NFRKB: variants seen among roughly 807,000 people sequenced by gnomAD.
NFRKB encodes nuclear factor related to kappaB binding protein.
Under a neutral mutation model 135.7 loss-of-function variants are expected in NFRKB, and 62 were observed. That is an observed-to-expected ratio of 0.46 (90% CI 0.37 to 0.56). The LOEUF (loss-of-function observed/expected upper bound fraction) is 0.56, where lower values mean the gene tolerates loss of function less well. Ranked by LOEUF, NFRKB falls within the 20% of genes least tolerant of loss-of-function variation. NFRKB has a pLI of 0.00. For synonymous variants in NFRKB, 678 were observed against 635.6 expected (o/e 1.07, Z -1.00); for missense variants, 1,545 against 1,662.0 (o/e 0.93, Z 1.22).
chr11:129,888,138 AGTGT>A (rs1949368337), intron 4 of NFRKB, among the ~76,000 whole-genome samples: 1 of 152,208 alleles, frequency 6.6e-6, no homozygotes, highest in Non-Finnish European at 1.5e-5. Context: ...GATATGGGAA[AGTGT>A]CTGTTAAGAG....
chr11:129,881,432 G>A lies in NFRKB; in HGVS notation c.1384+11C>T, dbSNP rs76029397. 1,487 of 1,613,562 alleles carry A rather than the reference G, an allele frequency of 9.2e-4. 12 individuals carry two copies. In the African/African-American group the frequency reaches 0.017, roughly 19 times the overall value. ...GAAAACCTGTTGGGGTAGGTAATACGGATCACTTACCAAGCAACTTCCACT... is the reference window on the plus strand; with the variant it reads ...GAAAACCTGTTGGGGTAGGTAATACAGATCACTTACCAAGCAACTTCCACT... On this transcript the variant is annotated intron_variant, in intron 13 of 26. Transcript: ENST00000682444.
chr11:129,880,395 T>C (rs992480876), intron 13 of NFRKB, among the ~76,000 whole-genome samples: 1 of 152,030 alleles, frequency 6.6e-6, no homozygotes, highest in Non-Finnish European at 1.5e-5. Context: ...CTCAAACGTA[T>C]CCATCCTCTC....
chr11:129,879,699 C>A (rs943774686), intron 13 of NFRKB, among the ~76,000 whole-genome samples: 1 of 152,194 alleles, frequency 6.6e-6, no homozygotes, highest in Non-Finnish European at 1.5e-5. Context: ...TGTCACTCAG[C>A]CCCTCTGCCG....
chr11:129,876,636 A>C, intron 17 of NFRKB, 85 bp downstream of exon 17: 1 of 1,247,868 alleles, frequency 8.0e-7, no homozygotes, highest in Non-Finnish European at 1.1e-6. Flanking sequence ...GTGGAGGGGT[A>C]AGGAGAGGAC....
At chr11:129,881,949 G>A (rs1160498384) in intron 11 of NFRKB, 96 bp from the exon 12 acceptor site, 6 of 1,511,346 alleles carry the variant, frequency 4.0e-6, no homozygotes, top group African/African-American at 2.8e-5. Context: ...TGCATCCGGT[G>A]TTTGTCCGAA....
At chr11:129,885,304 T>C (rs1000408087) in intron 6 of NFRKB, 131 bp downstream of exon 6, 6 of 1,018,012 alleles carry the variant, frequency 5.9e-6, no homozygotes, top group Admixed American at 2.9e-5. Flanking sequence ...AGTCCCGCTA[T>C]GCACCCCAGA....
Position 129,885,539 on chromosome 11 carries a change from C to A in NFRKB, c.536G>T (p.Arg179Leu). The part of the protein sequence containing the change: ...PFRQKRPSPS[R>L]TPEEREWRTQ... ...CCGCCACTCCCGCTCCTCAGGTGTGCGGGATGGTGAAGGGCGTTTCTGCCG... is the reference window on the plus strand; with the variant it reads ...CCGCCACTCCCGCTCCTCAGGTGTGAGGGATGGTGAAGGGCGTTTCTGCCG... Residue 179 changes from arginine to leucine, a missense_variant, in exon 6 of 27, where the codon CGC becomes CTC. Coordinates refer to ENST00000682444, the MANE Select transcript of NFRKB (RefSeq NM_001143835.2). The A allele has an allele frequency of 1.9e-6, 3 of 1,614,074 alleles. No homozygotes were observed. The highest frequency in any genetic ancestry group is 2.5e-6 in the Non-Finnish European group (3 of 1,179,924).
intron 7 of NFRKB, 65 bp from the exon 8 acceptor site, chr11:129,884,208 T>G (rs1438571153): frequency 7.2e-6 from 11 of 1,529,798 alleles, no homozygotes; most frequent in African/African-American, 1.4e-5. Context: ...TCTGGTCACT[T>G]TCAAAAGTAA....
intron 4 of NFRKB, among the ~76,000 whole-genome samples, chr11:129,887,118 T>C (rs1435002714): frequency 6.6e-6 from 1 of 152,202 alleles, no homozygotes; most frequent in African/African-American, 2.4e-5. Context: ...AAAGTCACCC[T>C]GGAAGGGAAG....
rs199706534 is a variant in NFRKB at position 129,882,868 on chromosome 11, C to CA, written c.902-238dup. Among the ~76,000 whole-genome samples, 813 of 152,230 alleles carry CA rather than the reference C, an allele frequency of 5.3e-3. 6 individuals carry two copies. The highest frequency in any genetic ancestry group is 0.019 in the African/African-American group (770 of 41,532). ...GTGCGATCATAGCTCACTACAGCCTCAATCTCCCCGGTTCAAGCGATTCTC... is the reference window on the plus strand; with the variant it reads ...GTGCGATCATAGCTCACTACAGCCTCAAATCTCCCCGGTTCAAGCGATTCTC... On this transcript the variant is annotated intron_variant, in intron 9 of 26. Transcript: ENST00000682444.
At position 129,864,894 on chromosome 11, in the gene NFRKB, G is replaced by A. The variant is rs199870213; in HGVS notation, c.3775-44C>T. The A allele has an allele frequency of 3.2e-4, 517 of 1,613,928 alleles. 2 individuals are homozygous for A. In the African/African-American group the frequency reaches 5.8e-3, roughly 18 times the overall value. On this transcript the variant is annotated intron_variant, in intron 26 of 26. Transcript: ENST00000682444. ...GGTCAGGTCAATGGATTGCAAGCGGGCTCACCAGTTAAGAACAGCAGTGGA... is the reference window on the plus strand; with the variant it reads ...GGTCAGGTCAATGGATTGCAAGCGGACTCACCAGTTAAGAACAGCAGTGGA...
chr11:129,878,188 A>C (rs1423915555), intron 15 of NFRKB, 121 bp downstream of exon 15: 4 of 977,218 alleles, frequency 4.1e-6, no homozygotes, highest in Non-Finnish European at 6.2e-6. Context: ...GAACCAGGGG[A>C]CTCCTCAGAG....
At position 129,874,032 on chromosome 11, in the gene NFRKB, G is replaced by A. The variant is rs747913784; in HGVS notation, c.2280-17C>T. On this transcript the variant is annotated splice_polypyrimidine_tract_variant and intron_variant, in intron 21 of 26. Coordinates refer to ENST00000682444, the MANE Select transcript of NFRKB (RefSeq NM_001143835.2). This position sits in a 1 kb window ranked among gnomAD's most constrained non-coding sequence, Gnocchi z 4.5. Reference sequence around the variant, plus strand: ...AGAAGAACACTATGAAGAACATCGGGGAAAGACAAAAAACAAAAACTTAGG... The same window carrying A: ...AGAAGAACACTATGAAGAACATCGGAGAAAGACAAAAAACAAAAACTTAGG... The A allele has an allele frequency of 1.9e-6, 3 of 1,602,562 alleles. No homozygotes were observed. The South Asian group carries it at 3.3e-5, about 18-fold the overall frequency.
intron 26 of NFRKB, 55 bp downstream of exon 26, chr11:129,864,911 A>T: frequency 6.2e-7 from 1 of 1,613,050 alleles, no homozygotes. Context: ...AGTTAAGAAC[A>T]GCAGTGGAAT....
rs1378290945 is a variant in NFRKB at position 129,885,617 on chromosome 11, G to A, written c.466-8C>T. 8.1e-6 allele frequency: 13 copies of A among 1,601,396 alleles called. No individual in the cohort carries two copies. Among genetic ancestry groups the A allele is most frequent in the Non-Finnish European group, 1.1e-5 (13 of 1,170,960 alleles). ...GGCCATCTCCAGCAGATCCTAGGTAGAGATCAGGTGGGGGTACAAGTCATC... is the reference window on the plus strand; with the variant it reads ...GGCCATCTCCAGCAGATCCTAGGTAAAGATCAGGTGGGGGTACAAGTCATC... On this transcript the variant is annotated splice_polypyrimidine_tract_variant and splice_region_variant and intron_variant, in intron 5 of 26. Coordinates refer to ENST00000682444, the MANE Select transcript of NFRKB (RefSeq NM_001143835.2).
intron 4 of NFRKB, 142 bp from the exon 5 acceptor site, chr11:129,886,586 AAGG>A (rs1949290355): frequency 1.3e-6 from 1 of 762,210 alleles, no homozygotes; most frequent in East Asian, 2.8e-5. Flanking sequence ...GAGAATCAAG[AAGG>A]AGAACCAAAA....
At position 129,870,202 on chromosome 11, in the gene NFRKB, T is replaced by C. The variant is rs1402008152; in HGVS notation, c.2823A>G (p.Thr941=). The C allele has an allele frequency of 6.2e-7, 1 of 1,614,218 alleles. No homozygotes were observed. Among genetic ancestry groups the C allele is most frequent in the East Asian group, 2.2e-5 (1 of 44,874 alleles). ...TACCCTGGATGCGGAAGTTAGTGGC[T>C]GTGAGTGGAATGCTGTTGCCTGTTT... ...KPQTGNSIPL[T]ATNFRIQGKD... The change falls in exon 24 of 27, where the codon ACA becomes ACG. Residue 941 remains threonine (T), a synonymous_variant. Transcript: ENST00000682444.
intron 18 of NFRKB, 89 bp downstream of exon 18, chr11:129,875,268 T>C (rs748591581): frequency 1.2e-4 from 134 of 1,114,684 alleles, no homozygotes; most frequent in Non-Finnish European, 1.7e-4. Flanking sequence ...CATTCAGTTT[T>C]TAAAAATTTT....
chr11:129,865,775 C>T, intron 25 of NFRKB, 102 bp downstream of exon 25: 1 of 959,348 alleles, frequency 1.0e-6, no homozygotes, highest in Non-Finnish European at 1.6e-6. Flanking sequence ...AAGAAGGGCC[C>T]CAGAAAGACC....
Sources: gnomAD v4.1 joint callset for allele counts (sites outside exome capture counted in the v4.1 genomes callset) on GRCh38, gnomAD v4.1.1 for gene constraint, Gnocchi (gnomAD v3.1) non-coding constraint, MANE v1.5 for transcripts, NCBI Gene and HGNC (gene_info 2026-07-23, HGNC 2026-07-21) for gene names.